Variants in FAM53A observed in about 807,000 individuals in gnomAD.
FAM53A encodes family with sequence similarity 53 member A.
A neutral mutation model predicts 26.6 loss-of-function variants in FAM53A; 28 were observed. The observed-to-expected ratio is 1.05, with a 90% CI of 0.78 to 1.45. The LOEUF is 1.45. Ranked by LOEUF, FAM53A falls within the 40% of genes most tolerant of loss-of-function variation. The probability of loss-of-function intolerance (pLI) is 0.00; values close to 1 mark genes in which losing one functional copy is unlikely to be tolerated. For missense variants in FAM53A, 650 were observed against 575.8 expected (o/e 1.13, Z -1.32); for synonymous variants, 290 against 253.1 (o/e 1.15, Z -1.38).
Position 1,626,228 on chromosome 4 carries a change from G to A in FAM53A, c.432-8117C>T, listed in dbSNP as rs540708341. ...GCCCAGGAGGAGGAGGTAGGGGTCA[G>A]GCCGGACCTTACCCCAAGCTGAGCC... On this transcript the variant is annotated intron_variant, in intron 1 of 1. Transcript: ENST00000489029. 3.7e-3 allele frequency among the ~76,000 whole-genome samples: 565 copies of A among 152,294 alleles called. 6 individuals are homozygous for A. The highest frequency in any genetic ancestry group is 0.013 in the African/African-American group (540 of 41,546).
chr4:1,643,764 G>A (rs760176609), intron 4 of FAM53A, among the ~76,000 whole-genome samples: 10 of 151,806 alleles, frequency 6.6e-5, no homozygotes, highest in South Asian at 4.2e-4. Flanking sequence ...ATGGGGTCTC[G>A]CTTTGTTGAC....
At chr4:1,589,007 T>C in the FAM53A span, among the ~76,000 whole-genome samples, 1 of 152,358 alleles carries the variant, frequency 6.6e-6, no homozygotes, top group East Asian at 1.9e-4. Context: ...ATTCTATTCA[T>C]CCTGGTGACG....
At chr4:1,657,376 A>T (rs1421351568) in intron 3 of FAM53A, 32 bp downstream of exon 3, 2 of 1,601,796 alleles carry the variant, frequency 1.2e-6, no homozygotes, top group Admixed American at 3.4e-5. Context: ...AGCCCTGCTC[A>T]GGCCTCCGGC....
downstream of FAM53A, among the ~76,000 whole-genome samples, chr4:1,614,500 G>A (rs1035231637): frequency 1.3e-5 from 2 of 148,806 alleles, no homozygotes; most frequent in African/African-American, 2.5e-5. Flanking sequence ...GGGACGCAGA[G>A]ACGTGAGGGG....
intron 1 of FAM53A, among the ~76,000 whole-genome samples, chr4:1,671,028 G>T (rs546318304): frequency 6.3e-4 from 95 of 150,634 alleles, no homozygotes; most frequent in African/African-American, 2.2e-3. Flanking sequence ...CACAGCCACG[G>T]CCCGGACTCA....
At chr4:1,625,065 G>A (rs6848023) in intron 1 of FAM53A, among the ~76,000 whole-genome samples, 12,814 of 80,908 alleles carry the variant, frequency 0.16, 214 homozygotes, top group Middle Eastern at 0.22. Flanking sequence ...CCCACGTCCC[G>A]GCCCACGTGG....
chr4:1,667,501 G>A (rs1446298019), intron 2 of FAM53A, among the ~76,000 whole-genome samples: 1 of 152,122 alleles, frequency 6.6e-6, no homozygotes, highest in African/African-American at 2.4e-5. Context: ...GGCCCTGAGT[G>A]CCAGGCCCCA....
At chr4:1,672,747 A>AACC (rs987066769) in intron 1 of FAM53A, among the ~76,000 whole-genome samples, 7 of 145,836 alleles carry the variant, frequency 4.8e-5, no homozygotes, top group Non-Finnish European at 1.0e-4. Flanking sequence ...CAAACACAGG[A>AACC]ACCTGAATTT....
At chr4:1,636,882 G>C (rs1258080733), downstream of FAM53A, among the ~76,000 whole-genome samples, 1 of 141,232 alleles carries the variant, frequency 7.1e-6, no homozygotes, top group East Asian at 1.9e-4. Context: ...TCCTGCTCTT[G>C]CTGGGGGGGG....
chr4:1,671,673 G>A (rs1714670830), intron 1 of FAM53A, among the ~76,000 whole-genome samples: 1 of 152,104 alleles, frequency 6.6e-6, no homozygotes, highest in Admixed American at 6.5e-5. Context: ...GGGGCTCTAT[G>A]GCTGACAAGC....
the FAM53A span, among the ~76,000 whole-genome samples, chr4:1,603,232 G>C: frequency 6.6e-6 from 1 of 152,172 alleles, no homozygotes; most frequent in Non-Finnish European, 1.5e-5. Context: ...GCCACCAGGA[G>C]GGTGGAATGG....
chr4:1,610,876 C>G, the FAM53A span, among the ~76,000 whole-genome samples: 1 of 152,208 alleles, frequency 6.6e-6, no homozygotes, highest in Non-Finnish European at 1.5e-5. Context: ...CCCGGCTGCC[C>G]TCTTTCTGCC....
rs149681697 is a variant in FAM53A, at chr4:1,659,261, G to A, written c.76-1793C>T. Among the ~76,000 whole-genome samples the A allele has an allele frequency of 6.3e-3, 962 of 152,266 alleles. 13 individuals are homozygous for A. The highest frequency in any genetic ancestry group is 0.022 in the African/African-American group (915 of 41,550). ...CCCGGGTCCGATGGAAGAGAGGAGA[G>A]GCAGCTCTGCTAAAGGACTTGAAGG... On this transcript the variant is annotated intron_variant, in intron 2 of 4. Transcript: ENST00000308132. The surrounding 1 kb of genome is among the most constrained non-coding windows in gnomAD (Gnocchi z 5.2).
At chr4:1,625,602 A>G (rs1715255711) in intron 1 of FAM53A, among the ~76,000 whole-genome samples, 1 of 78,516 alleles carries the variant, frequency 1.3e-5, no homozygotes, top group South Asian at 6.0e-4. Context: ...AGAAGCCCCC[A>G]TGTCCCGACC....
At chr4:1,637,969 T>C (rs1715921519), downstream of FAM53A, among the ~76,000 whole-genome samples, 1 of 151,384 alleles carries the variant, frequency 6.6e-6, no homozygotes, top group Non-Finnish European at 1.5e-5. Context: ...TGGGACCCCC[T>C]GCCTGTGGCT....
At chr4:1,625,120 C>G (rs113651593) in intron 1 of FAM53A, among the ~76,000 whole-genome samples, 1 of 70,822 alleles carries the variant, frequency 1.4e-5, no homozygotes, top group South Asian at 5.7e-4. Context: ...TCCCGACCCA[C>G]GTGGTCAGGG....
At chr4:1,678,209 C>G (rs1488977696) in intron 1 of FAM53A, among the ~76,000 whole-genome samples, 2 of 151,998 alleles carry the variant, frequency 1.3e-5, no homozygotes, top group Non-Finnish European at 2.9e-5. Context: ...TTTAAAATTA[C>G]CTGCGTGACT....
chr4:1,613,314 G>A (rs963298928), downstream of FAM53A, among the ~76,000 whole-genome samples: 3 of 152,166 alleles, frequency 2.0e-5, no homozygotes, highest in Admixed American at 6.5e-5. Flanking sequence ...CCAATATGGC[G>A]TCCTGTCACC....
the FAM53A span, among the ~76,000 whole-genome samples, chr4:1,591,011 A>T: frequency 1.0e-5 from 1 of 100,174 alleles, no homozygotes; most frequent in African/African-American, 4.1e-5. Flanking sequence ...TAATCATTCT[A>T]TGTTCTTGGT....
Sources: gnomAD v4.1 joint callset for allele counts (sites outside exome capture counted in the v4.1 genomes callset) on GRCh38, gnomAD v4.1.1 for gene constraint, Gnocchi (gnomAD v3.1) non-coding constraint, MANE v1.5 for transcripts, NCBI Gene and HGNC (gene_info 2026-07-23, HGNC 2026-07-21) for gene names.